The following CCDC171 variants were observed in gnomAD, a reference collection of about 807,000 sequenced individuals.
The protein encoded by CCDC171 is coiled-coil domain-containing protein 171.
A neutral mutation model predicts 168.2 loss-of-function variants in CCDC171; 177 were observed. That is an observed-to-expected ratio of 1.05 (90% CI 0.93 to 1.19). The LOEUF is 1.19. Ranked by LOEUF, CCDC171 falls within the 50% of genes most tolerant of loss-of-function variation. The probability of loss-of-function intolerance (pLI) is 0.00; values close to 1 mark genes in which losing one functional copy is unlikely to be tolerated. For synonymous variants in CCDC171, 687 were observed against 540.8 expected, an observed-to-expected ratio of 1.27 and a Z score of -3.75; for missense variants, 1,991 against 1,539.0, an observed-to-expected ratio of 1.29 and a Z score of -4.91.
chr9:16,007,600 A>C (rs1474175611), intron 3 of CCDC171, among the ~76,000 whole-genome samples: 1 of 152,138 alleles, frequency 6.6e-6, no homozygotes, highest in Non-Finnish European at 1.5e-5. Flanking sequence ...ATCTTGAATT[A>C]ATTTTAGTAT....
intron 18 of CCDC171, among the ~76,000 whole-genome samples, chr9:15,758,528 G>C (rs142167337): frequency 6.6e-6 from 1 of 152,266 alleles, no homozygotes; most frequent in African/African-American, 2.4e-5. Context: ...GTGGACTTTT[G>C]AGTTAATGCC....
intron 4 of CCDC171, among the ~76,000 whole-genome samples, chr9:15,588,772 A>T (rs1343667181): frequency 1.4e-5 from 2 of 145,486 alleles, no homozygotes; most frequent in Non-Finnish European, 3.0e-5. Flanking sequence ...CAGTGGCACG[A>T]CCTCGGCTCA....
At chr9:15,888,484 A>G (rs1296160406) in intron 24 of CCDC171, among the ~76,000 whole-genome samples, 1 of 152,198 alleles carries the variant, frequency 6.6e-6, no homozygotes, top group Non-Finnish European at 1.5e-5. Flanking sequence ...ATATTTTGAA[A>G]CATTTCGTCA....
intron 18 of CCDC171, among the ~76,000 whole-genome samples, chr9:15,773,713 G>A (rs1416284379): frequency 7.0e-6 from 1 of 142,108 alleles, no homozygotes; most frequent in Non-Finnish European, 1.5e-5. Context: ...ATTTTTTTTT[G>A]TTTTTTCATT....
chr9:15,713,991 A>G (rs1237999488), intron 11 of CCDC171, among the ~76,000 whole-genome samples: 5 of 152,064 alleles, frequency 3.3e-5, no homozygotes, highest in African/African-American at 1.2e-4. Context: ...GGTAGAATGA[A>G]TAGCTTCATT....
chr9:15,567,491 T>C (rs2039844027), intron 2 of CCDC171, among the ~76,000 whole-genome samples: 1 of 152,238 alleles, frequency 6.6e-6, no homozygotes, highest in Admixed American at 6.5e-5. Flanking sequence ...GTTGGGGTTT[T>C]AATAGGGATT....
the CCDC171 span, among the ~76,000 whole-genome samples, chr9:16,085,249 G>T: frequency 6.6e-6 from 1 of 152,210 alleles, no homozygotes. Flanking sequence ...CTTGGTCAGG[G>T]AAACAGAAGC....
At chr9:16,045,500 C>T (rs868708843) in intron 1 of CCDC171, among the ~76,000 whole-genome samples, 18 of 152,300 alleles carry the variant, frequency 1.2e-4, no homozygotes, top group Middle Eastern at 6.8e-3. Flanking sequence ...TGGGTTGTAA[C>T]AATCAAGAAT....
At chr9:15,639,492 GT>G (rs1211174670) in intron 7 of CCDC171, among the ~76,000 whole-genome samples, 3 of 151,926 alleles carry the variant, frequency 2.0e-5, no homozygotes, top group Non-Finnish European at 4.4e-5. Context: ...TTTATTATCT[GT>G]GGGTTTTTTG....
intron 5 of CCDC171, 148 bp from the exon 6 acceptor site, chr9:15,593,893 A>G: frequency 3.4e-6 from 2 of 593,662 alleles, no homozygotes; most frequent in South Asian, 4.6e-5. Flanking sequence ...TATTGATCAA[A>G]TTATAGTTTT....
At chr9:15,952,645 C>A (rs1477080384) in intron 25 of CCDC171, among the ~76,000 whole-genome samples, 1 of 152,130 alleles carries the variant, frequency 6.6e-6, no homozygotes, top group Non-Finnish European at 1.5e-5. Context: ...GATCCACCTG[C>A]CTTGGCCTCT....
chr9:15,663,264 C>G (rs138357362), intron 8 of CCDC171, among the ~76,000 whole-genome samples: 1 of 152,044 alleles, frequency 6.6e-6, no homozygotes, highest in Non-Finnish European at 1.5e-5. Context: ...GTTCTAAAGC[C>G]CATTTTCTGT....
At chr9:15,958,010 T>C (rs1454850961) in intron 25 of CCDC171, among the ~76,000 whole-genome samples, 2 of 152,180 alleles carry the variant, frequency 1.3e-5, no homozygotes, top group African/African-American at 4.8e-5. Flanking sequence ...GAAGTTAAAC[T>C]CTGTGAAATA....
intron 7 of CCDC171, among the ~76,000 whole-genome samples, chr9:15,648,651 G>A (rs1024670816): frequency 2.6e-5 from 4 of 152,160 alleles, no homozygotes; most frequent in Non-Finnish European, 5.9e-5. Context: ...ATTCACAGTT[G>A]CTACAAATAG....
chr9:16,039,979 C>T (rs1055485439), upstream of CCDC171, among the ~76,000 whole-genome samples: 1 of 152,170 alleles, frequency 6.6e-6, no homozygotes, highest in Non-Finnish European at 1.5e-5. Context: ...TATTTCTAAT[C>T]ATCGCCTACT....
intron 3 of CCDC171, among the ~76,000 whole-genome samples, chr9:16,003,936 C>T (rs887258107): frequency 6.6e-5 from 10 of 152,124 alleles, no homozygotes; most frequent in African/African-American, 1.7e-4. Flanking sequence ...AAACACACGG[C>T]GGGGAGTCTG....
At chr9:15,663,475 C>T (rs28565229) in intron 8 of CCDC171, among the ~76,000 whole-genome samples, 25 of 152,006 alleles carry the variant, frequency 1.6e-4, no homozygotes, top group African/African-American at 6.0e-4. Flanking sequence ...TATTTTTATT[C>T]TTTTCACTTA....
At chr9:16,051,875 C>T (rs1349495690) in intron 1 of CCDC171, among the ~76,000 whole-genome samples, 1 of 152,216 alleles carries the variant, frequency 6.6e-6, no homozygotes, top group African/African-American at 2.4e-5. Flanking sequence ...TTCCACATGG[C>T]TGGGGAGGCC....
chr9:16,067,059 C>T, the CCDC171 span, among the ~76,000 whole-genome samples: 2 of 152,012 alleles, frequency 1.3e-5, no homozygotes, highest in Admixed American at 6.5e-5. Flanking sequence ...AGTGGTTGAA[C>T]TAGTTTACAG....
Sources: allele counts gnomAD v4.1 joint callset (sites outside exome capture counted in the v4.1 genomes callset), GRCh38; gene constraint gnomAD v4.1.1; transcripts MANE v1.5; gene names NCBI Gene and HGNC (gene_info 2026-07-23, HGNC 2026-07-21).